Variants in PKNOX1 observed in about 807,000 individuals in gnomAD.
PKNOX1 encodes homeobox protein PKNOX1.
In PKNOX1, 15 loss-of-function variants were observed where a neutral mutation model predicts 51.9. That is an observed-to-expected ratio of 0.29 (90% CI 0.19 to 0.45). The LOEUF (loss-of-function observed/expected upper bound fraction) is 0.45, where lower values mean the gene tolerates loss of function less well. Ranked by LOEUF, PKNOX1 falls within the 20% of genes least tolerant of loss-of-function variation. The pLI is 1.00. For missense variants in PKNOX1, 462 were observed against 547.5 expected (o/e 0.84, Z 1.56); for synonymous variants, 219 against 211.1 (o/e 1.04, Z -0.32).
At chr21:43,018,730 A>G (rs1255441762) in intron 7 of PKNOX1, among the ~76,000 whole-genome samples, 2 of 151,980 alleles carry the variant, frequency 1.3e-5, no homozygotes, top group African/African-American at 4.8e-5. Context: ...GCTGGAGTGC[A>G]GTGGCGCTAT....
intron 1 of PKNOX1, among the ~76,000 whole-genome samples, chr21:42,999,574 G>A (rs149859270): frequency 7.9e-5 from 12 of 152,102 alleles, no homozygotes; most frequent in Admixed American, 7.9e-4. Context: ...TCTGCCTCCT[G>A]GGTTCAAACA....
intron 1 of PKNOX1, among the ~76,000 whole-genome samples, chr21:42,995,870 T>G (rs952177675): frequency 3.3e-5 from 5 of 152,150 alleles, no homozygotes; most frequent in Admixed American, 6.6e-5. Context: ...ACTCTTGTAT[T>G]TTAGAGCTTT....
At chr21:43,025,860 G>C (rs1979965000) in intron 9 of PKNOX1, among the ~76,000 whole-genome samples, 1 of 152,192 alleles carries the variant, frequency 6.6e-6, no homozygotes, top group Non-Finnish European at 1.5e-5. Flanking sequence ...TGTGCGGGAG[G>C]TATGCTTCGG....
Position 43,024,638 on chromosome 21 carries a change from C to T in PKNOX1, c.850-233C>T, listed in dbSNP as rs912426284. On this transcript the variant is annotated intron_variant, in intron 8 of 10. Coordinates refer to ENST00000291547, the MANE Select transcript of PKNOX1 (RefSeq NM_004571.5). ...TTATCGTCACCGCTGAACCGTTAAA[C>T]GTGGGGGGCGGTCTGCCTTGGCCTA... 32 of 486,676 alleles carry T rather than the reference C, an allele frequency of 6.6e-5. No homozygotes were observed. In the South Asian group the frequency reaches 7.9e-4, roughly 12 times the overall value. 30.1% of individuals were successfully genotyped at this position (486,676 alleles called of 1,614,324 possible). A position where few individuals can be genotyped will look rare whatever the true frequency, so the allele number is the denominator to read the frequency against.
intron 1 of PKNOX1, among the ~76,000 whole-genome samples, chr21:42,981,941 C>G (rs941669632): frequency 1.3e-5 from 2 of 152,216 alleles, no homozygotes; most frequent in Non-Finnish European, 2.9e-5. Flanking sequence ...GGTTTGTGCT[C>G]TGGCAGGATC....
At chr21:42,976,082 C>G (rs1014513646) in intron 1 of PKNOX1, among the ~76,000 whole-genome samples, 2 of 152,158 alleles carry the variant, frequency 1.3e-5, no homozygotes, top group African/African-American at 4.8e-5. Flanking sequence ...GAATCCTGTC[C>G]TTGTACACAG....
At chr21:43,023,790 A>G (rs1384443191) in intron 8 of PKNOX1, among the ~76,000 whole-genome samples, 1 of 151,630 alleles carries the variant, frequency 6.6e-6, no homozygotes, top group African/African-American at 2.4e-5. Flanking sequence ...AATTTTTTGT[A>G]TTTTTAGTAG....
chr21:43,032,285 A>C lies in PKNOX1; in HGVS notation c.*2184A>C, dbSNP rs1295521874. 7 of 381,702 alleles carry C rather than the reference A, an allele frequency of 1.8e-5. No homozygotes were observed. The highest frequency in any genetic ancestry group is 3.3e-5 in the Non-Finnish European group (6 of 184,032). The allele number at this position is 381,702 out of a possible 1,614,324, so 23.6% of individuals were successfully genotyped here. A position where few individuals can be genotyped will look rare whatever the true frequency, so the allele number is the denominator to read the frequency against. ...CTTTGTTGGACTCCTTAAAATAAGC[A>C]CCCATGAAAGCCAGCCAGCCCTTCC... On this transcript the variant is annotated 3_prime_UTR_variant, in exon 11 of 11. Coordinates refer to ENST00000291547, the MANE Select transcript of PKNOX1 (RefSeq NM_004571.5).
Position 43,029,098 on chromosome 21 carries a change from A to G in PKNOX1, c.1099+224A>G, listed in dbSNP as rs1371662054. 1.5e-5 allele frequency: 9 copies of G among 592,728 alleles called. No homozygotes were observed. The Admixed American group carries it at 2.3e-4, about 15-fold the overall frequency. The allele number at this position is 592,728 out of a possible 1,614,324, so 36.7% of individuals were successfully genotyped here. A position where few individuals can be genotyped will look rare whatever the true frequency, so the allele number is the denominator to read the frequency against. On this transcript the variant is annotated intron_variant, in intron 10 of 10. Transcript: ENST00000291547. The stretch of plus-strand genomic sequence containing the variant: ...AGTAGTAGAGAATGTAAAACACGTG[A>G]TAGAGATATGAAATCATTAATTCTG...
chr21:43,004,626 T>C (rs1425425887), intron 2 of PKNOX1, among the ~76,000 whole-genome samples, 194 bp downstream of exon 2: 1 of 152,234 alleles, frequency 6.6e-6, no homozygotes, highest in African/African-American at 2.4e-5. Flanking sequence ...ATACCAAGAT[T>C]GCCAGGAATC....
chr21:42,999,049 G>A (rs1469815280), intron 1 of PKNOX1, among the ~76,000 whole-genome samples: 1 of 152,236 alleles, frequency 6.6e-6, no homozygotes, highest in African/African-American at 2.4e-5. Context: ...CGCCCTTACA[G>A]CCAACATCTG....
chr21:42,992,360 C>A (rs1398426056), intron 1 of PKNOX1, among the ~76,000 whole-genome samples: 2 of 152,182 alleles, frequency 1.3e-5, no homozygotes, highest in African/African-American at 2.4e-5. Context: ...TCTGGTACAT[C>A]TGTGTCCTCA....
At chr21:43,026,357 ACTTT>A (rs1798136546) in intron 9 of PKNOX1, among the ~76,000 whole-genome samples, 1 of 152,114 alleles carries the variant, frequency 6.6e-6, no homozygotes, top group Non-Finnish European at 1.5e-5. Flanking sequence ...ACTTTTTGTG[ACTTT>A]CTTTTCTTTT....
At position 43,004,511 on chromosome 21, in the gene PKNOX1, A is replaced by G. The variant is rs112425659; in HGVS notation, c.51+79A>G. ...CATGAACATTGCTTTGTATACTTGC[A>G]ATTCAATTGCCATGAGGTTGCATGC... On this transcript the variant is annotated intron_variant, in intron 2 of 10. Transcript: ENST00000291547. 5.4e-6 allele frequency: 5 copies of G among 927,616 alleles called. No individual in the cohort carries two copies. In the African/African-American group the frequency reaches 6.5e-5, roughly 12 times the overall value. The allele number at this position is 927,616 out of a possible 1,614,324, so 57.5% of individuals were successfully genotyped here.
intron 1 of PKNOX1, among the ~76,000 whole-genome samples, chr21:42,982,833 A>G (rs1213509320): frequency 5.9e-5 from 9 of 151,662 alleles, no homozygotes; most frequent in Non-Finnish European, 1.0e-4. Flanking sequence ...CCCACGAAAC[A>G]GGGGCTTGCT....
rs1334463510 is a variant in PKNOX1, at chr21:43,029,875, T to A, written c.1100-15T>A. ...GTACTAATTTAAATAATGACACACC[T>A]TCATCCTGCCGCAGGAGCTGTTGTC... On this transcript the variant is annotated splice_polypyrimidine_tract_variant and intron_variant, in intron 10 of 10. Coordinates refer to ENST00000291547, the MANE Select transcript of PKNOX1 (RefSeq NM_004571.5). 1 of 1,607,456 alleles carries A rather than the reference T, an allele frequency of 6.2e-7. No individual in the cohort carries two copies. The highest frequency in any genetic ancestry group is 8.5e-7 in the Non-Finnish European group (1 of 1,174,438).
chr21:42,975,121 G>T (rs1458606951), intron 1 of PKNOX1, among the ~76,000 whole-genome samples: 1 of 144,440 alleles, frequency 6.9e-6, no homozygotes, highest in Non-Finnish European at 1.5e-5. Flanking sequence ...GCGGGGCGGG[G>T]CCGGGGCGGG....
chr21:43,012,029 G>A (rs749522033), intron 4 of PKNOX1, among the ~76,000 whole-genome samples: 14 of 152,190 alleles, frequency 9.2e-5, no homozygotes, highest in Non-Finnish European at 1.5e-4. Context: ...ACTGGTGAGT[G>A]TTTAGCACAG....
At chr21:42,976,034 C>A (rs413624) in intron 1 of PKNOX1, among the ~76,000 whole-genome samples, 130,121 of 151,924 alleles carry the variant, frequency 0.86, 55,794 homozygotes, top group African/African-American at 0.88. Context: ...CCCAATGAGC[C>A]TTTCATCACT....
Sources: allele counts gnomAD v4.1 joint callset (sites outside exome capture counted in the v4.1 genomes callset), GRCh38; gene constraint gnomAD v4.1.1; transcripts MANE v1.5; gene names NCBI Gene and HGNC (gene_info 2026-07-23, HGNC 2026-07-21).